ARHGAP42: variants seen among roughly 807,000 people sequenced by gnomAD.
ARHGAP42 encodes the protein rho GTPase-activating protein 42.
A neutral mutation model predicts 125.0 loss-of-function variants in ARHGAP42; 63 were observed. That is an observed-to-expected ratio of 0.50 (90% confidence interval 0.41 to 0.62). The LOEUF is 0.62. Among genes scored for constraint, ARHGAP42 ranks in the 20% least tolerant of loss-of-function variants. ARHGAP42 has a pLI of 0.00. For synonymous variants in ARHGAP42, 339 were observed against 351.0 expected (o/e 0.97, Z 0.38); for missense variants, 766 against 1,024.2 (o/e 0.75, Z 3.44).
chr11:100,737,701 G>A (rs145889402), intron 1 of ARHGAP42, among the ~76,000 whole-genome samples: 1 of 152,126 alleles, frequency 6.6e-6, no homozygotes, highest in African/African-American at 2.4e-5. Context: ...TTGAATAGAT[G>A]CTGACTTATT....
intron 3 of ARHGAP42, among the ~76,000 whole-genome samples, chr11:100,850,873 C>CTTT (rs201814102): frequency 4.2e-5 from 4 of 94,510 alleles, no homozygotes; most frequent in Non-Finnish European, 6.0e-5. Flanking sequence ...TAGTAGCTTT[C>CTTT]TTTTTTTTTT....
At chr11:100,927,119 G>A (rs557837635) in intron 6 of ARHGAP42, among the ~76,000 whole-genome samples, 83 of 152,184 alleles carry the variant, frequency 5.5e-4, no homozygotes, top group Non-Finnish European at 1.1e-3. Flanking sequence ...ACATGTTATA[G>A]CTTGTTATTA....
chr11:100,873,718 G>C (rs930443419), intron 4 of ARHGAP42, among the ~76,000 whole-genome samples: 1 of 152,164 alleles, frequency 6.6e-6, no homozygotes, highest in African/African-American at 2.4e-5. Context: ...AAATCCATGA[G>C]GTAGGGCCTA....
intron 1 of ARHGAP42, among the ~76,000 whole-genome samples, chr11:100,766,222 GGT>G (rs145892062): frequency 1.7e-4 from 25 of 149,082 alleles, no homozygotes; most frequent in African/African-American, 2.5e-4. Flanking sequence ...AAGGATGTGG[GGT>G]GTGTGTGTGT....
intron 3 of ARHGAP42, among the ~76,000 whole-genome samples, chr11:100,824,110 AG>A (rs1294227501): frequency 6.6e-6 from 1 of 152,178 alleles, no homozygotes; most frequent in African/African-American, 2.4e-5. Flanking sequence ...TTGCAGATTA[AG>A]TATATCTGAA....
intron 3 of ARHGAP42, among the ~76,000 whole-genome samples, chr11:100,845,106 T>C (rs575037163): frequency 2.1e-4 from 30 of 141,224 alleles, no homozygotes; most frequent in African/African-American, 7.9e-4. Flanking sequence ...CACACACACA[T>C]GTATACATAT....
intron 4 of ARHGAP42, among the ~76,000 whole-genome samples, chr11:100,907,648 C>A (rs1195871483): frequency 6.6e-6 from 1 of 152,156 alleles, no homozygotes; most frequent in East Asian, 1.9e-4. Context: ...ATCCCTTGGG[C>A]TCCAGGTAAT....
intron 1 of ARHGAP42, among the ~76,000 whole-genome samples, chr11:100,718,176 T>A (rs1214412775): frequency 1.3e-5 from 2 of 152,124 alleles, no homozygotes; most frequent in African/African-American, 4.8e-5. Flanking sequence ...GTGGGACAGA[T>A]CACTTGGAGA....
chr11:100,971,565 A>G (rs979171558), intron 17 of ARHGAP42, among the ~76,000 whole-genome samples: 1 of 152,200 alleles, frequency 6.6e-6, no homozygotes, highest in Non-Finnish European at 1.5e-5. Flanking sequence ...AAAGAAAATC[A>G]GTCATTAAAA....
intron 1 of ARHGAP42, among the ~76,000 whole-genome samples, chr11:100,760,650 G>A (rs1862679339): frequency 6.6e-6 from 1 of 151,926 alleles, no homozygotes. Flanking sequence ...GCAGTGAGCC[G>A]AGATTGCGCC....
chr11:100,707,114 A>C (rs1354749718), intron 1 of ARHGAP42, among the ~76,000 whole-genome samples: 2 of 152,220 alleles, frequency 1.3e-5, no homozygotes, highest in East Asian at 3.8e-4. Flanking sequence ...TTTTTCAGAT[A>C]TATGAATGCA....
At chr11:100,748,718 G>C (rs1008921019) in intron 1 of ARHGAP42, among the ~76,000 whole-genome samples, 4 of 152,232 alleles carry the variant, frequency 2.6e-5, no homozygotes, top group Non-Finnish European at 5.9e-5. Context: ...TGGGTTACTG[G>C]GTTAAGGATT....
At chr11:100,894,979 A>G (rs1162235265) in intron 4 of ARHGAP42, among the ~76,000 whole-genome samples, 3 of 152,204 alleles carry the variant, frequency 2.0e-5, no homozygotes, top group Non-Finnish European at 4.4e-5. Context: ...AGATGTGCCT[A>G]GGAACAGTTT....
At chr11:100,894,852 C>T (rs1300192449) in intron 4 of ARHGAP42, among the ~76,000 whole-genome samples, 1 of 152,138 alleles carries the variant, frequency 6.6e-6, no homozygotes, top group Admixed American at 6.6e-5. Context: ...CTACAATTCC[C>T]ACCTTTCTAA....
At chr11:100,744,170 C>T (rs1277995138) in intron 1 of ARHGAP42, among the ~76,000 whole-genome samples, 2 of 152,188 alleles carry the variant, frequency 1.3e-5, no homozygotes, top group Admixed American at 1.3e-4. Flanking sequence ...AGGGTTTCAC[C>T]ATGTTGGCCA....
intron 1 of ARHGAP42, among the ~76,000 whole-genome samples, chr11:100,712,530 T>G (rs1565537821): frequency 1.3e-5 from 2 of 152,034 alleles, no homozygotes; most frequent in African/African-American, 4.8e-5. Context: ...TCCCCCCTTC[T>G]CCCCCCAGAA....
intron 3 of ARHGAP42, among the ~76,000 whole-genome samples, chr11:100,810,999 C>T (rs748534342): frequency 2.6e-5 from 4 of 151,908 alleles, no homozygotes; most frequent in Admixed American, 1.3e-4. Context: ...TGTGTTACCC[C>T]GGCTGGAGTG....
intron 1 of ARHGAP42, among the ~76,000 whole-genome samples, chr11:100,743,428 G>T (rs1413977699): frequency 6.6e-6 from 1 of 152,194 alleles, no homozygotes. Context: ...CTAGTGAGAA[G>T]CTTGCTTTTA....
At chr11:100,780,376 T>A (rs758480056) in intron 2 of ARHGAP42, among the ~76,000 whole-genome samples, 2 of 152,236 alleles carry the variant, frequency 1.3e-5, no homozygotes, top group East Asian at 3.8e-4. Flanking sequence ...TAATTTGGGA[T>A]GCAGAAATAT....
Sources: allele counts gnomAD v4.1 joint callset (sites outside exome capture counted in the v4.1 genomes callset), GRCh38; gene constraint gnomAD v4.1.1; transcripts MANE v1.5; gene names NCBI Gene and HGNC (gene_info 2026-07-23, HGNC 2026-07-21).